Variants in PCDHA2 observed in about 807,000 individuals in gnomAD.
PCDHA2 encodes the protein protocadherin alpha-2.
Under a neutral mutation model 66.0 loss-of-function variants are expected in PCDHA2, and 58 were observed. The ratio of observed to expected loss-of-function variants is 0.88; its 90% CI spans 0.71 to 1.09. The LOEUF (loss-of-function observed/expected upper bound fraction) is 1.09. Among genes scored for constraint, PCDHA2 ranks in the 50% least tolerant of loss-of-function variants. The probability of loss-of-function intolerance (pLI) is 0.00; values close to 1 mark genes in which losing one functional copy is unlikely to be tolerated. For synonymous variants in PCDHA2, 634 were observed against 554.0 expected (o/e 1.14, Z -2.03); for missense variants, 1,267 against 1,242.3 (o/e 1.02, Z -0.30).
At chr5:140,851,689 TAA>T in intron 1 of PCDHA2, 1 of 934,422 alleles carries the variant, frequency 1.1e-6, no homozygotes, top group Non-Finnish European at 1.3e-6. Context: ...CATTCAGTGA[TAA>T]AATGATCAGC....
Position 140,927,154 on chromosome 5 carries a change from A to C in PCDHA2, c.2389-51795A>C, listed in dbSNP as rs141284501. 8 of 1,614,050 alleles carry C rather than the reference A, an allele frequency of 5.0e-6. No individual in the cohort carries two copies. The African/African-American group carries it at 8.0e-5, about 16-fold the overall frequency. On this transcript the variant is annotated intron_variant, in intron 1 of 3. Transcript: ENST00000526136. ...GCCGGCGGACCGCGAACAGCTGTGC[A>C]GGGCCAAAGCTGCCTGCGTCTTGAC...
chr5:140,841,617 G>C, intron 1 of PCDHA2: 2 of 1,614,152 alleles, frequency 1.2e-6, no homozygotes, highest in Non-Finnish European at 1.7e-6. Flanking sequence ...TGCGGGCGGA[G>C]CGCGGAGTGC....
intron 1 of PCDHA2, chr5:140,870,393 T>C (rs1554164195): frequency 1.5e-5 from 24 of 1,613,936 alleles, no homozygotes; most frequent in Non-Finnish European, 1.8e-5. Flanking sequence ...GGGATGGGGG[T>C]TCGCCTTCTC....
intron 1 of PCDHA2, among the ~76,000 whole-genome samples, chr5:140,888,278 C>G (rs1204327118): frequency 2.0e-5 from 3 of 151,932 alleles, no homozygotes; most frequent in African/African-American, 7.3e-5. Flanking sequence ...CAGTTTTGTC[C>G]CCTCTACCCC....
intron 3 of PCDHA2, among the ~76,000 whole-genome samples, chr5:140,985,509 T>C (rs6886977): frequency 1.5e-3 from 223 of 152,280 alleles, no homozygotes; most frequent in African/African-American, 4.4e-3. Context: ...CTTTCATTGA[T>C]TCTGTTGCCC....
intron 1 of PCDHA2, chr5:140,805,770 T>C (rs1489324802): frequency 9.7e-6 from 2 of 206,952 alleles, no homozygotes; most frequent in African/African-American, 4.7e-5. Context: ...ATTGGGGAAA[T>C]GTCTAGAGAC....
intron 1 of PCDHA2, among the ~76,000 whole-genome samples, chr5:140,937,039 CTTTT>C (rs34994034): frequency 1.4e-5 from 2 of 140,156 alleles, no homozygotes; most frequent in African/African-American, 2.6e-5. Flanking sequence ...TTCCATTTAT[CTTTT>C]TTTTTTTTTT....
At chr5:140,830,710 C>A in intron 1 of PCDHA2, 1 of 247,822 alleles carries the variant, frequency 4.0e-6, no homozygotes, top group East Asian at 8.1e-5. Flanking sequence ...GAATTTTTGT[C>A]TTCAAACCAA....
intron 1 of PCDHA2, chr5:140,809,160 C>G: frequency 6.2e-7 from 1 of 1,613,980 alleles, no homozygotes; most frequent in Non-Finnish European, 8.5e-7. Context: ...GGCGAGCCCG[C>G]GCTGACGGCC....
In PCDHA2 at chr5:140,797,265, G is replaced by A. The variant is rs782191162; in HGVS notation, c.2301G>A (p.Thr767=). Residue 767 remains threonine (T), a synonymous_variant, in exon 1 of 4, where the codon ACG becomes ACA. Coordinates refer to ENST00000526136, the MANE Select transcript of PCDHA2 (RefSeq NM_018905.3). ...RVCSGEDPPK[T]DLMAFSPSLS... is the part of the protein sequence containing the mutation. ...GCTCTGGGGAGGACCCCCCCAAGAC[G>A]GACCTCATGGCCTTCAGCCCTAGCT... 1.2e-6 allele frequency: 2 copies of A among 1,614,076 alleles called. No individual in the cohort carries two copies. Among genetic ancestry groups the A allele is most frequent in the African/African-American group, 2.7e-5 (2 of 74,952 alleles).
rs782446287 is a variant in PCDHA2, at chr5:140,870,927, T to A, written c.2388+73575T>A. The A allele has an allele frequency of 1.9e-6, 3 of 1,613,762 alleles. No homozygotes were observed. The African/African-American group carries it at 4.0e-5, about 22-fold the overall frequency. ...CAGGCTACAACGCGTGGCTTTCATA[T>A]GAATTGCAGCCGGCGGCGGGCGGCT... is the stretch of plus-strand genomic sequence containing the variant. On this transcript the variant is annotated intron_variant, in intron 1 of 3. Transcript: ENST00000526136.
chr5:140,998,240 A>G (rs2097802500), intron 3 of PCDHA2, among the ~76,000 whole-genome samples: 1 of 152,188 alleles, frequency 6.6e-6, no homozygotes, highest in Non-Finnish European at 1.5e-5. Context: ...GTGCATTATT[A>G]TACTCATTTT....
At chr5:140,830,267 C>G in intron 1 of PCDHA2, 1 of 1,613,636 alleles carries the variant, frequency 6.2e-7, no homozygotes, top group Non-Finnish European at 8.5e-7. Context: ...GTGCTCGGCG[C>G]CACCCACCGA....
chr5:140,842,383 C>T, intron 1 of PCDHA2: 2 of 1,610,796 alleles, frequency 1.2e-6, no homozygotes, highest in Non-Finnish European at 1.7e-6. Context: ...CACTGACTTC[C>T]TTATCCTTGC....
At chr5:140,930,918 T>G (rs1554208161) in intron 1 of PCDHA2, among the ~76,000 whole-genome samples, 1 of 152,180 alleles carries the variant, frequency 6.6e-6, no homozygotes, top group East Asian at 1.9e-4. Context: ...ACTTTAGATG[T>G]GTATATGTGG....
At chr5:140,829,714 C>T (rs1316878813) in intron 1 of PCDHA2, 33 of 1,613,426 alleles carry the variant, frequency 2.0e-5, no homozygotes, top group Non-Finnish European at 2.8e-5. Flanking sequence ...GCGACGCGGG[C>T]GTGCCGCCTC....
chr5:140,836,191 A>G lies in PCDHA2; in HGVS notation c.2388+38839A>G. The stretch of plus-strand genomic sequence containing the variant: ...CGTGCAGTTGACGCTGACTCAGGCT[A>G]CAACGCGTGGCTTTCGTATGAGTTG... On this transcript the variant is annotated intron_variant, in intron 1 of 3. Coordinates refer to ENST00000526136, the MANE Select transcript of PCDHA2 (RefSeq NM_018905.3). 1.2e-6 allele frequency: 2 copies of G among 1,613,828 alleles called. 1 individual carries two copies. Among genetic ancestry groups the G allele is most frequent in the South Asian group, 2.2e-5 (2 of 91,074 alleles).
At chr5:140,865,729 G>A (rs1325219094) in intron 1 of PCDHA2, 2 of 152,136 alleles carry the variant, frequency 1.3e-5, no homozygotes, top group Non-Finnish European at 2.9e-5. Context: ...GCTGAGATGT[G>A]TATCTATTTT....
intron 1 of PCDHA2, among the ~76,000 whole-genome samples, chr5:140,910,150 T>G (rs555048323): frequency 6.6e-6 from 1 of 152,354 alleles, no homozygotes; most frequent in South Asian, 2.1e-4. Flanking sequence ...GGAAATTGAT[T>G]GAGGGGAAAT....
Sources: allele counts gnomAD v4.1 joint callset (sites outside exome capture counted in the v4.1 genomes callset), GRCh38; gene constraint gnomAD v4.1.1; transcripts MANE v1.5; gene names NCBI Gene and HGNC (gene_info 2026-07-23, HGNC 2026-07-21).